The following TMEM132D variants were observed in gnomAD, a reference collection of about 807,000 sequenced individuals.
TMEM132D encodes the protein mature OL transmembrane protein.
TMEM132D carries 21 observed loss-of-function variants against 62.3 expected under a neutral mutation model. That is an observed-to-expected ratio of 0.34 (90% CI 0.24 to 0.49). The LOEUF (loss-of-function observed/expected upper bound fraction) is 0.49. Among genes scored for constraint, TMEM132D ranks in the 20% least tolerant of loss-of-function variants. The probability of loss-of-function intolerance (pLI) is 0.99; values close to 1 mark genes in which losing one functional copy is unlikely to be tolerated. For synonymous variants in TMEM132D, 621 were observed against 575.6 expected (o/e 1.08, Z -1.13); for missense variants, 1,346 against 1,402.8 (o/e 0.96, Z 0.65).
chr12:129,383,436 T>A (rs554959127), intron 3 of TMEM132D, among the ~76,000 whole-genome samples: 2 of 152,272 alleles, frequency 1.3e-5, no homozygotes, highest in South Asian at 4.1e-4. Context: ...ACATTTCATG[T>A]CAATCCTCTA....
At chr12:129,786,816 G>A (rs1041861342) in intron 1 of TMEM132D, among the ~76,000 whole-genome samples, 8 of 152,288 alleles carry the variant, frequency 5.3e-5, no homozygotes, top group East Asian at 1.9e-4. Flanking sequence ...GCTTGAACCC[G>A]GGAGGTGGAG....
At chr12:129,763,369 T>C (rs1179608732) in intron 1 of TMEM132D, among the ~76,000 whole-genome samples, 2 of 151,540 alleles carry the variant, frequency 1.3e-5, no homozygotes, top group Non-Finnish European at 2.9e-5. Flanking sequence ...TGTGCCACCA[T>C]GCCCGACCAA....
intron 3 of TMEM132D, among the ~76,000 whole-genome samples, chr12:129,418,224 G>A (rs1044306869): frequency 1.3e-5 from 2 of 152,168 alleles, no homozygotes; most frequent in South Asian, 4.1e-4. Flanking sequence ...TACACCCAAA[G>A]GATGATAAAT....
At chr12:129,432,159 TTGGATGGATGGATGGA>T (rs767215290) in intron 3 of TMEM132D, among the ~76,000 whole-genome samples, 2 of 134,378 alleles carry the variant, frequency 1.5e-5, no homozygotes, top group East Asian at 2.2e-4. Flanking sequence ...GGATGGATGC[TTGGATGGATGGATGGA>T]TGGATGGATG....
At chr12:129,569,512 T>A (rs1048370889) in intron 2 of TMEM132D, among the ~76,000 whole-genome samples, 1 of 152,148 alleles carries the variant, frequency 6.6e-6, no homozygotes, top group African/African-American at 2.4e-5. Flanking sequence ...ATGAAGTACA[T>A]GGTATAGAGA....
intron 1 of TMEM132D, among the ~76,000 whole-genome samples, chr12:129,735,852 C>G (rs1338865760): frequency 2.0e-5 from 3 of 152,162 alleles, no homozygotes; most frequent in African/African-American, 7.2e-5. Flanking sequence ...TTATCCATGC[C>G]ATTGTCCTTA....
chr12:129,814,560 G>A (rs1245005588), intron 1 of TMEM132D, among the ~76,000 whole-genome samples: 1 of 133,076 alleles, frequency 7.5e-6, no homozygotes, highest in Non-Finnish European at 1.5e-5. Flanking sequence ...GCAGTGAGCC[G>A]AGATCACGCC....
At chr12:129,394,954 T>C (rs79093681) in intron 3 of TMEM132D, among the ~76,000 whole-genome samples, 6,769 of 152,228 alleles carry the variant, frequency 0.044, 213 homozygotes, top group Non-Finnish European at 0.062. Context: ...ACTTGTATAC[T>C]CAGAAGGGGT....
At chr12:129,340,962 A>G (rs1869461092) in intron 3 of TMEM132D, among the ~76,000 whole-genome samples, 1 of 152,176 alleles carries the variant, frequency 6.6e-6, no homozygotes, top group South Asian at 2.1e-4. Flanking sequence ...TAGTTCATCT[A>G]CAGTACGATT....
chr12:129,519,254 C>T (rs1048807798), intron 3 of TMEM132D, among the ~76,000 whole-genome samples: 2 of 152,098 alleles, frequency 1.3e-5, no homozygotes, highest in African/African-American at 2.4e-5. Flanking sequence ...TGTTGAACCT[C>T]GGGGACTACC....
chr12:129,896,033 G>T (rs1875112839), intron 1 of TMEM132D, among the ~76,000 whole-genome samples: 1 of 140,476 alleles, frequency 7.1e-6, no homozygotes, highest in African/African-American at 2.7e-5. Context: ...TGTATTACAT[G>T]ATCACAGCTC....
chr12:129,687,825 G>A (rs373564255), intron 2 of TMEM132D, among the ~76,000 whole-genome samples: 4 of 152,108 alleles, frequency 2.6e-5, no homozygotes, highest in East Asian at 3.9e-4. Context: ...CTGCCAGTTG[G>A]CCAGAGTGAA....
intron 5 of TMEM132D, among the ~76,000 whole-genome samples, chr12:129,166,850 G>C (rs900301503): frequency 6.6e-6 from 1 of 150,986 alleles, no homozygotes; most frequent in South Asian, 2.1e-4. Context: ...CATTTTCCTG[G>C]GCTAGCTCAG....
At chr12:129,546,227 A>C (rs1201531369) in intron 2 of TMEM132D, among the ~76,000 whole-genome samples, 4 of 152,200 alleles carry the variant, frequency 2.6e-5, no homozygotes, top group Non-Finnish European at 4.4e-5. Context: ...TTTATTTAAC[A>C]AATGTTTATA....
chr12:129,174,848 A>G (rs146914202), intron 5 of TMEM132D, among the ~76,000 whole-genome samples: 1 of 152,324 alleles, frequency 6.6e-6, no homozygotes, highest in Non-Finnish European at 1.5e-5. Context: ...GCCTTTTTTC[A>G]TAGGTCTGTC....
chr12:129,498,859 T>C (rs1407205211), intron 3 of TMEM132D, among the ~76,000 whole-genome samples: 3 of 152,100 alleles, frequency 2.0e-5, no homozygotes, highest in African/African-American at 7.2e-5. Flanking sequence ...ATAGGGGCAC[T>C]CCAAAAACAA....
chr12:129,667,637 C>T (rs1266275766), intron 2 of TMEM132D, among the ~76,000 whole-genome samples: 2 of 151,992 alleles, frequency 1.3e-5, no homozygotes, highest in Admixed American at 6.6e-5. Context: ...CTCTTTCTAA[C>T]CTAATATTTT....
In TMEM132D at chr12:129,408,090, C is replaced by T. The variant is rs145401978; in HGVS notation, c.1116-70273G>A. Among the ~76,000 whole-genome samples the T allele has an allele frequency of 4.7e-3, 712 of 152,140 alleles. 2 individuals are homozygous for T. The highest frequency in any genetic ancestry group is 0.016 in the African/African-American group (673 of 41,500). ...CTGTATTAGAATCTAAGTGATCTCC[C>T]CCCTCTGGTTTAATATTAGGACCCA... On this transcript the variant is annotated intron_variant, in intron 3 of 8. Coordinates refer to ENST00000422113, the MANE Select transcript of TMEM132D (RefSeq NM_133448.3).
chr12:129,147,862 A>G (rs79267244), intron 5 of TMEM132D, among the ~76,000 whole-genome samples: 1,872 of 152,298 alleles, frequency 0.012, 14 homozygotes, highest in Non-Finnish European at 0.021. Flanking sequence ...CAGATTTCCT[A>G]TTCCCCACCT....
Sources: allele counts gnomAD v4.1 joint callset (sites outside exome capture counted in the v4.1 genomes callset), GRCh38; gene constraint gnomAD v4.1.1; transcripts MANE v1.5; gene names NCBI Gene and HGNC (gene_info 2026-07-23, HGNC 2026-07-21).